Variants in EPB41L2 observed in about 807,000 individuals in gnomAD.
EPB41L2 encodes the protein erythrocyte membrane protein band 4.1 like 2.
A neutral mutation model predicts 113.0 loss-of-function variants in EPB41L2; 43 were observed. That is an observed-to-expected ratio of 0.38 (90% CI 0.30 to 0.49). EPB41L2 has a LOEUF of 0.49. Among genes scored for constraint, EPB41L2 ranks in the 20% least tolerant of loss-of-function variants. EPB41L2 has a pLI of 0.95. For synonymous variants in EPB41L2, 442 were observed against 436.7 expected, an observed-to-expected ratio of 1.01 and a Z score of -0.15; for missense variants, 1,147 against 1,223.4, an observed-to-expected ratio of 0.94 and a Z score of 0.93.
chr6:130,929,830 C>T (rs1478034791), intron 3 of EPB41L2, among the ~76,000 whole-genome samples: 1 of 145,752 alleles, frequency 6.9e-6, no homozygotes, highest in African/African-American at 2.5e-5. Flanking sequence ...CGACTTCCCT[C>T]AGGGAGATTA....
chr6:131,040,618 C>T (rs1399347515), intron 1 of EPB41L2, among the ~76,000 whole-genome samples: 2 of 152,066 alleles, frequency 1.3e-5, no homozygotes, highest in Admixed American at 6.5e-5. Flanking sequence ...TTGTATGGTA[C>T]CAACATCTCA....
chr6:130,870,387 G>A (rs1785252290), intron 14 of EPB41L2: 1 of 1,550,356 alleles, frequency 6.5e-7, no homozygotes, highest in Non-Finnish European at 8.7e-7. Context: ...CGTGTCTGCA[G>A]AACAAAAAGC....
chr6:130,967,493 C>T (rs1432957949), intron 1 of EPB41L2, among the ~76,000 whole-genome samples: 1 of 152,120 alleles, frequency 6.6e-6, no homozygotes, highest in Non-Finnish European at 1.5e-5. Context: ...TATTCGTATT[C>T]TCTGCTGGAG....
intron 11 of EPB41L2, among the ~76,000 whole-genome samples, chr6:130,888,321 C>T (rs1791706998): frequency 2.0e-5 from 3 of 152,096 alleles, no homozygotes. Context: ...TGATGACTTA[C>T]CCATCTGATG....
chr6:131,062,648 T>TA (rs1798908611), intron 1 of EPB41L2: 1 of 151,426 alleles, frequency 6.6e-6, no homozygotes, highest in African/African-American at 2.4e-5. Context: ...CTTCCCCTCC[T>TA]AAAACCTTCC....
chr6:130,855,596 G>C (rs1455930453), intron 19 of EPB41L2, among the ~76,000 whole-genome samples: 1 of 152,032 alleles, frequency 6.6e-6, no homozygotes, highest in Non-Finnish European at 1.5e-5. Context: ...CTCTATGCTA[G>C]CAAAAGCTAG....
intron 1 of EPB41L2, among the ~76,000 whole-genome samples, chr6:130,957,683 C>CAAA (rs60309706): frequency 5.5e-5 from 8 of 145,966 alleles, no homozygotes; most frequent in African/African-American, 2.0e-4. Context: ...TTGAATAAGT[C>CAAA]AAAAAAAAAA....
rs1276405885 is a variant in EPB41L2 at position 130,956,291 on chromosome 6, C to T, written c.195G>A (p.Glu65=). 3 of 1,614,070 alleles carry T rather than the reference C, an allele frequency of 1.9e-6. No individual in the cohort carries two copies. Among genetic ancestry groups the T allele is most frequent in the Non-Finnish European group, 2.5e-6 (3 of 1,180,040 alleles). ...TACCCCTGCTCTCCGATGTTTCCTT[C>T]TCTCTCTTCTGGCGGCGTAGACTAC... is the stretch of plus-strand genomic sequence containing the variant. ...SQSSLRRQKR[E]KETSESRGIS... is the part of the protein sequence containing the mutation. The change falls in exon 2 of 20, where the codon GAG becomes GAA. Residue 65 remains glutamate (E), a synonymous_variant. Coordinates refer to ENST00000337057, the MANE Select transcript of EPB41L2 (RefSeq NM_001431.4).
chr6:131,053,434 T>TAAAAAAAGA (rs1796987418), intron 1 of EPB41L2, among the ~76,000 whole-genome samples: 1 of 88,906 alleles, frequency 1.1e-5, no homozygotes, highest in Non-Finnish European at 2.2e-5. Context: ...ATGGAAATGA[T>TAAAAAAAGA]AAAAAAAAAA....
At chr6:130,903,398 T>TAAAAA (rs35123540) in intron 6 of EPB41L2, among the ~76,000 whole-genome samples, 1 of 142,160 alleles carries the variant, frequency 7.0e-6, no homozygotes. Context: ...ACAAGTAGTT[T>TAAAAA]AAAAAAAAAA....
intron 19 of EPB41L2, among the ~76,000 whole-genome samples, chr6:130,857,716 C>T (rs1289025000): frequency 1.3e-5 from 2 of 151,890 alleles, no homozygotes; most frequent in Non-Finnish European, 2.9e-5. Context: ...ACCAACATGC[C>T]CATCTCATTT....
chr6:131,044,262 G>A (rs933050182), intron 1 of EPB41L2, among the ~76,000 whole-genome samples: 15 of 151,868 alleles, frequency 9.9e-5, no homozygotes, highest in Non-Finnish European at 4.4e-5. Context: ...CTGGGCCGAA[G>A]TGATCCTCTG....
intron 3 of EPB41L2, among the ~76,000 whole-genome samples, chr6:130,951,475 C>A: frequency 6.6e-6 from 1 of 151,596 alleles, no homozygotes; most frequent in Non-Finnish European, 1.5e-5. Context: ...TAGGCACTCA[C>A]CACCACGCCC....
chr6:130,917,796 T>C (rs947850820), intron 4 of EPB41L2, among the ~76,000 whole-genome samples: 1 of 152,224 alleles, frequency 6.6e-6, no homozygotes, highest in African/African-American at 2.4e-5. Context: ...CTCATTCATT[T>C]AATTCTCCTT....
At chr6:130,878,314 A>C in intron 13 of EPB41L2, 64 bp from the exon 14 acceptor site, 1 of 1,516,808 alleles carries the variant, frequency 6.6e-7, no homozygotes, top group Non-Finnish European at 8.8e-7. Context: ...GTAGGACAAA[A>C]ATAAAACCAA....
intron 10 of EPB41L2, among the ~76,000 whole-genome samples, chr6:130,892,897 G>T (rs944122923): frequency 2.0e-5 from 3 of 152,146 alleles, no homozygotes; most frequent in Non-Finnish European, 4.4e-5. Flanking sequence ...AAGCAGAGAG[G>T]TTGGTATCAC....
At chr6:130,908,990 C>T in intron 4 of EPB41L2, 127 bp from the exon 5 acceptor site, 2 of 677,252 alleles carry the variant, frequency 3.0e-6, no homozygotes, top group East Asian at 2.8e-5. Flanking sequence ...CAACTTGCAC[C>T]TATCAGCATT....
chr6:131,024,820 G>C (rs759222810), intron 1 of EPB41L2, among the ~76,000 whole-genome samples: 1 of 152,150 alleles, frequency 6.6e-6, no homozygotes, highest in Non-Finnish European at 1.5e-5. Flanking sequence ...TTAGCTTCTA[G>C]AATTTTTGGT....
intron 6 of EPB41L2, among the ~76,000 whole-genome samples, chr6:130,902,703 A>T (rs1382136820): frequency 1.3e-5 from 2 of 152,206 alleles, no homozygotes; most frequent in African/African-American, 4.8e-5. Flanking sequence ...GAACCTAAAC[A>T]CAAAGATTTC....
Sources: gnomAD v4.1 joint callset for allele counts (sites outside exome capture counted in the v4.1 genomes callset) on GRCh38, gnomAD v4.1.1 for gene constraint, MANE v1.5 for transcripts, NCBI Gene and HGNC (gene_info 2026-07-23, HGNC 2026-07-21) for gene names.